The following NPRL3 variants were observed in gnomAD, a reference collection of about 807,000 sequenced individuals.
The protein encoded by NPRL3 is GATOR1 complex protein NPRL3.
Under a neutral mutation model 57.2 loss-of-function variants are expected in NPRL3, and 23 were observed. The observed-to-expected ratio is 0.40, with a 90% CI of 0.29 to 0.57. The LOEUF is 0.57. NPRL3 is among the 20% of genes least tolerant of loss of function. The probability of loss-of-function intolerance (pLI) is 0.42; values close to 1 mark genes in which losing one functional copy is unlikely to be tolerated. For synonymous variants in NPRL3, 333 were observed against 321.1 expected (o/e 1.04, Z -0.39); for missense variants, 691 against 767.1 (o/e 0.90, Z 1.17).
At chr16:96,060 GACAA>G (rs1898992112) in intron 9 of NPRL3, among the ~76,000 whole-genome samples, 1 of 152,218 alleles carries the variant, frequency 6.6e-6, no homozygotes, top group South Asian at 2.1e-4. Context: ...AGAAAACAAT[GACAA>G]ACAGCCTTCC....
intron 2 of NPRL3, among the ~76,000 whole-genome samples, chr16:135,599 A>G (rs1416927592): frequency 7.4e-6 from 1 of 135,290 alleles, no homozygotes; most frequent in African/African-American, 2.9e-5. Context: ...ACAGAGTGAG[A>G]CTCTGTCTCA....
At chr16:94,371 G>A (rs914985504) in intron 9 of NPRL3, among the ~76,000 whole-genome samples, 5 of 152,178 alleles carry the variant, frequency 3.3e-5, no homozygotes, top group African/African-American at 7.2e-5. Context: ...CCCTCTTGGC[G>A]GGTAGGCCTC....
intron 11 of NPRL3, 122 bp downstream of exon 11, chr16:92,474 C>A: frequency 7.6e-7 from 1 of 1,313,482 alleles, no homozygotes; most frequent in Non-Finnish European, 1.0e-6. Context: ...GGCAAGCCCC[C>A]AAAACCAAGG....
intron 3 of NPRL3, chr16:123,558 C>G (rs1312271697): frequency 2.1e-6 from 1 of 471,010 alleles, no homozygotes. Context: ...GAAATGGGAA[C>G]AGGACCATCA....
chr16:137,458 T>C (rs1158586270), intron 2 of NPRL3, among the ~76,000 whole-genome samples: 2 of 152,146 alleles, frequency 1.3e-5, no homozygotes, highest in Non-Finnish European at 2.9e-5. Context: ...TCTGCATCTA[T>C]GCACAGGGCA....
chr16:117,602 A>G (rs1169654865), intron 4 of NPRL3, among the ~76,000 whole-genome samples: 1 of 152,218 alleles, frequency 6.6e-6, no homozygotes, highest in Non-Finnish European at 1.5e-5. Context: ...CCGCTAACAG[A>G]AGTGAGCTGA....
chr16:93,185 G>T (rs116776490), intron 10 of NPRL3, 34 bp downstream of exon 10: 2 of 1,399,838 alleles, frequency 1.4e-6, no homozygotes, highest in Non-Finnish European at 2.0e-6. Flanking sequence ...CTTCCCACTC[G>T]GGGCTCCAGG....
chr16:131,478 C>A (rs1446507964), intron 2 of NPRL3, among the ~76,000 whole-genome samples: 36 of 98,472 alleles, frequency 3.7e-4, no homozygotes, highest in African/African-American at 5.7e-4. Context: ...GACTCCGTCT[C>A]AAAAAAAAAA....
Position 136,188 on chromosome 16 carries a change from A to G in NPRL3, c.118+1962T>C, listed in dbSNP as rs930168010. Among the ~76,000 whole-genome samples, 3 of 152,380 alleles carry G rather than the reference A, an allele frequency of 2.0e-5. No individual in the cohort carries two copies. In the East Asian group the frequency reaches 5.8e-4, roughly 29 times the overall value. ...CGTTTGAACTTTTCGTATTAGCAAAAGATTGAAAACAATTTTGCGTCCATC... is the reference window on the plus strand; with the variant it reads ...CGTTTGAACTTTTCGTATTAGCAAAGGATTGAAAACAATTTTGCGTCCATC... On this transcript the variant is annotated intron_variant, in intron 2 of 13. Coordinates refer to ENST00000611875, the MANE Select transcript of NPRL3 (RefSeq NM_001077350.3).
At chr16:100,764 TCGAGAC>T (rs1899252816) in intron 7 of NPRL3, among the ~76,000 whole-genome samples, 1 of 30,376 alleles carries the variant, frequency 3.3e-5, no homozygotes, top group Admixed American at 4.0e-4. Flanking sequence ...GGTCAGCAGT[TCGAGAC>T]CAGCCTGGCT....
At chr16:108,370 C>T (rs1899624691) in intron 7 of NPRL3, among the ~76,000 whole-genome samples, 1 of 152,062 alleles carries the variant, frequency 6.6e-6, no homozygotes, top group African/African-American at 2.4e-5. Context: ...TTTCACGAGA[C>T]TCGATGTTGG....
At chr16:93,785 C>T (rs1898868677) in intron 9 of NPRL3, among the ~76,000 whole-genome samples, 1 of 152,150 alleles carries the variant, frequency 6.6e-6, no homozygotes, top group Admixed American at 6.5e-5. Flanking sequence ...AGGATGGTCT[C>T]GATCTGACCT....
At chr16:138,077 G>A in intron 2 of NPRL3, 73 bp downstream of exon 2, 1 of 1,119,496 alleles carries the variant, frequency 8.9e-7, no homozygotes, top group Non-Finnish European at 1.3e-6. Flanking sequence ...TCCGCGAGGC[G>A]GCCCTGGAAT....
At position 121,409 on chromosome 16, in the gene NPRL3, G is replaced by A. The variant is rs1900273152; in HGVS notation, c.189-2154C>T. 2.0e-5 allele frequency among the ~76,000 whole-genome samples: 3 copies of A among 152,248 alleles called. No individual in the cohort carries two copies. The South Asian group carries it at 6.2e-4, about 32-fold the overall frequency. ...AGGCTGAAGTGGGTGGATCACCCGA[G>A]GTCAGGAGTTCGAGACCAGCATGGC... On this transcript the variant is annotated intron_variant, in intron 3 of 13. Transcript: ENST00000611875.
At chr16:99,972 A>G (rs1158586267) in intron 8 of NPRL3, among the ~76,000 whole-genome samples, 10 of 130,826 alleles carry the variant, frequency 7.6e-5, no homozygotes, top group East Asian at 3.9e-4. Flanking sequence ...AAAAAAAAAA[A>G]AAAAAGAAAA....
At chr16:108,731 C>T (rs1014076197) in intron 7 of NPRL3, among the ~76,000 whole-genome samples, 3 of 151,640 alleles carry the variant, frequency 2.0e-5, no homozygotes, top group Admixed American at 6.6e-5. Context: ...AGTGCAGTGG[C>T]GCCATCTCAG....
In NPRL3 at chr16:100,362, G is replaced by C; in HGVS notation, c.767+10C>G. 6.6e-7 allele frequency: 1 copy of C among 1,518,734 alleles called. No individual in the cohort carries two copies. The highest frequency in any genetic ancestry group is 1.3e-5 in the South Asian group (1 of 78,610). The allele number at this position is 1,518,734 out of a possible 1,614,324, so 94.1% of individuals were successfully genotyped here. ...TGGCAGGGAGTGAGCACGTGGGGCT[G>C]GGCACTTACCGGATGGCTTTCAGGC... On this transcript the variant is annotated intron_variant, in intron 8 of 13. Coordinates refer to ENST00000611875, the MANE Select transcript of NPRL3 (RefSeq NM_001077350.3).
intron 2 of NPRL3, among the ~76,000 whole-genome samples, chr16:134,944 G>A (rs1442315950): frequency 2.0e-5 from 3 of 151,538 alleles, no homozygotes; most frequent in East Asian, 1.9e-4. Context: ...CTCGTGATCC[G>A]CCCGCCTCGG....
At chr16:103,296 A>ATTTTTTGTTTTTT (rs1899381750) in intron 7 of NPRL3, among the ~76,000 whole-genome samples, 1 of 42,110 alleles carries the variant, frequency 2.4e-5, no homozygotes, top group Non-Finnish European at 4.1e-5. Flanking sequence ...GCCTGGGGTG[A>ATTTTTTGTTTTTT]TTTTTTTTTT....
Sources: gnomAD v4.1 joint callset for allele counts (sites outside exome capture counted in the v4.1 genomes callset) on GRCh38, gnomAD v4.1.1 for gene constraint, MANE v1.5 for transcripts, NCBI Gene and HGNC (gene_info 2026-07-23, HGNC 2026-07-21) for gene names.